The following PDE1A variants were observed in gnomAD, a reference collection of about 807,000 sequenced individuals.
The protein encoded by PDE1A is dual specificity calcium/calmodulin-dependent 3',5'-cyclic nucleotide phosphodiesterase 1A.
PDE1A carries 35 observed loss-of-function variants against 61.7 expected under a neutral mutation model. The ratio of observed to expected loss-of-function variants is 0.57; its 90% CI spans 0.43 to 0.75. The LOEUF is 0.75. PDE1A is among the 30% of genes least tolerant of loss of function. The pLI, the probability that PDE1A is intolerant of heterozygous loss-of-function variation, is 0.00. For synonymous variants in PDE1A, 232 were observed against 213.2 expected (o/e 1.09, Z -0.77); for missense variants, 597 against 630.6 (o/e 0.95, Z 0.57).
At chr2:182,451,727 C>A (rs1685536336) in intron 2 of PDE1A, among the ~76,000 whole-genome samples, 1 of 152,100 alleles carries the variant, frequency 6.6e-6, no homozygotes. Context: ...ACCAAGAACA[C>A]CGAAAGAGAA....
chr2:182,654,830 T>A, the PDE1A span, among the ~76,000 whole-genome samples: 2 of 152,154 alleles, frequency 1.3e-5, no homozygotes, highest in African/African-American at 2.4e-5. Context: ...AACTCTTTTT[T>A]TTCCATTTCT....
At chr2:182,685,893 C>A in the PDE1A span, among the ~76,000 whole-genome samples, 1 of 152,144 alleles carries the variant, frequency 6.6e-6, no homozygotes, top group South Asian at 2.1e-4. Flanking sequence ...ATTATCCCTG[C>A]CAAGATAATA....
At chr2:182,352,611 A>C (rs916216741) in intron 1 of PDE1A, among the ~76,000 whole-genome samples, 1 of 152,148 alleles carries the variant, frequency 6.6e-6, no homozygotes, top group African/African-American at 2.4e-5. Context: ...GGACATCAAC[A>C]CAAGGACATC....
chr2:182,178,805 A>T (rs1328365555), intron 13 of PDE1A, among the ~76,000 whole-genome samples: 2 of 152,072 alleles, frequency 1.3e-5, no homozygotes, highest in East Asian at 3.9e-4. Flanking sequence ...AGAAGAAAAG[A>T]GAGCAAGCAA....
chr2:182,212,260 T>C (rs533545868), intron 7 of PDE1A, among the ~76,000 whole-genome samples: 1 of 151,472 alleles, frequency 6.6e-6, no homozygotes, highest in South Asian at 2.1e-4. Context: ...TATATATGTA[T>C]ACATTTATAT....
At chr2:182,544,808 C>CT in the PDE1A span, among the ~76,000 whole-genome samples, 2 of 152,120 alleles carry the variant, frequency 1.3e-5, no homozygotes, top group Non-Finnish European at 2.9e-5. Flanking sequence ...TTGCCTTCCC[C>CT]TTTTTTCCTG....
chr2:182,314,989 G>A (rs1343220600), intron 1 of PDE1A, among the ~76,000 whole-genome samples: 1 of 152,090 alleles, frequency 6.6e-6, no homozygotes, highest in Admixed American at 6.6e-5. Flanking sequence ...TAAAGGTGAG[G>A]GTTTAGGGGT....
chr2:182,270,209 A>G lies in PDE1A; in HGVS notation c.54-5795T>C, dbSNP rs1051193599. On this transcript the variant is annotated intron_variant, in intron 1 of 13. Transcript: ENST00000351439. The stretch of plus-strand genomic sequence containing the variant: ...AATAGCAATACCATCTTTGAAAGCA[A>G]TTGATTGGCTCTGTGGTTAAATCAA... 4.6e-5 allele frequency among the ~76,000 whole-genome samples: 7 copies of G among 152,182 alleles called. No individual in the cohort carries two copies. The South Asian group carries it at 1.0e-3, about 22-fold the overall frequency.
chr2:182,391,047 G>A (rs1378414514), intron 1 of PDE1A, among the ~76,000 whole-genome samples: 2 of 152,184 alleles, frequency 1.3e-5, no homozygotes, highest in Non-Finnish European at 2.9e-5. Flanking sequence ...TGTCTCACAG[G>A]AGGTGCACAA....
At chr2:182,449,142 T>C (rs545955403) in intron 2 of PDE1A, among the ~76,000 whole-genome samples, 1 of 150,606 alleles carries the variant, frequency 6.6e-6, no homozygotes, top group East Asian at 2.0e-4. Context: ...TCAAACCTTG[T>C]AATAAACCTG....
At chr2:182,320,691 T>C (rs986520394) in intron 1 of PDE1A, among the ~76,000 whole-genome samples, 3 of 152,214 alleles carry the variant, frequency 2.0e-5, no homozygotes, top group Admixed American at 6.5e-5. Context: ...ACTTTTCCAA[T>C]GTTCGTAGCT....
intron 2 of PDE1A, among the ~76,000 whole-genome samples, chr2:182,488,909 A>G (rs1191956943): frequency 1.3e-5 from 2 of 152,246 alleles, no homozygotes; most frequent in Non-Finnish European, 2.9e-5. Context: ...CTGGAAAGAG[A>G]GCATGTTCAA....
At chr2:182,374,235 T>C (rs1366361390) in intron 1 of PDE1A, among the ~76,000 whole-genome samples, 4 of 152,150 alleles carry the variant, frequency 2.6e-5, no homozygotes, top group Non-Finnish European at 5.9e-5. Flanking sequence ...GACTGATAGG[T>C]ACTTCTACGA....
chr2:182,186,347 C>T lies in PDE1A; in HGVS notation c.1328+121G>A, dbSNP rs956202417. The T allele has an allele frequency of 2.4e-5, 28 of 1,183,580 alleles. No homozygotes were observed. The South Asian group carries it at 3.8e-4, about 16-fold the overall frequency. 73.3% of individuals were successfully genotyped at this position (1,183,580 alleles called of 1,614,324 possible). On this transcript the variant is annotated intron_variant, in intron 12 of 13. Transcript: ENST00000351439. ...AATATAATATAAAGCCACTAGGTGG[C>T]AATACTCCCTAATAATTCTTGTGAG...
the PDE1A span, among the ~76,000 whole-genome samples, chr2:182,548,848 T>C: frequency 6.6e-6 from 1 of 152,184 alleles, no homozygotes; most frequent in East Asian, 1.9e-4. Flanking sequence ...AACCACTGCA[T>C]GTCCTCTAAG....
chr2:182,503,836 C>G (rs1195641891), intron 2 of PDE1A, among the ~76,000 whole-genome samples: 1 of 152,154 alleles, frequency 6.6e-6, no homozygotes, highest in Non-Finnish European at 1.5e-5. Context: ...GGGATCGTAT[C>G]TGGACTGTTT....
chr2:182,623,104 A>G, the PDE1A span, among the ~76,000 whole-genome samples: 1 of 152,280 alleles, frequency 6.6e-6, no homozygotes, highest in African/African-American at 2.4e-5. Context: ...GCCACTATCT[A>G]TGTGCATAAG....
intron 1 of PDE1A, among the ~76,000 whole-genome samples, chr2:182,294,883 A>AGGGAACAGAG: frequency 6.6e-6 from 1 of 152,126 alleles, no homozygotes; most frequent in Non-Finnish European, 1.5e-5. Flanking sequence ...CAAAGTTATA[A>AGGGAACAGAG]GGGAACAGAG....
At chr2:182,356,105 T>C (rs531471691) in intron 1 of PDE1A, among the ~76,000 whole-genome samples, 3 of 152,298 alleles carry the variant, frequency 2.0e-5, no homozygotes, top group South Asian at 2.1e-4. Flanking sequence ...AATTAAACTA[T>C]ACCAAAATGA....
Sources: allele counts gnomAD v4.1 joint callset (sites outside exome capture counted in the v4.1 genomes callset), GRCh38; gene constraint gnomAD v4.1.1; transcripts MANE v1.5; gene names NCBI Gene and HGNC (gene_info 2026-07-23, HGNC 2026-07-21).